Variants in GALNT16 observed in about 807,000 individuals in gnomAD.
GALNT16 encodes UDP-GalNAc:polypeptide N-acetylgalactosaminyltransferase-like protein 1.
Under a neutral mutation model 76.1 loss-of-function variants are expected in GALNT16, and 40 were observed. The ratio of observed to expected loss-of-function variants is 0.53; its 90% CI spans 0.41 to 0.68. The LOEUF (loss-of-function observed/expected upper bound fraction) is 0.68. Ranked by LOEUF, GALNT16 falls within the 30% of genes least tolerant of loss-of-function variation. The probability of loss-of-function intolerance (pLI) is 0.00; values close to 1 mark genes in which losing one functional copy is unlikely to be tolerated. For synonymous variants in GALNT16, 276 were observed against 285.2 expected, an observed-to-expected ratio of 0.97 and a Z score of 0.32; for missense variants, 621 against 731.9, an observed-to-expected ratio of 0.85 and a Z score of 1.75.
At chr14:69,383,416 C>A in the GALNT16 span, among the ~76,000 whole-genome samples, 1 of 152,140 alleles carries the variant, frequency 6.6e-6, no homozygotes, top group Admixed American at 6.5e-5. Flanking sequence ...AAAAACGGAC[C>A]CAGTCTCTGG....
intron 1 of GALNT16, among the ~76,000 whole-genome samples, chr14:69,309,432 A>G (rs1176313925): frequency 6.6e-6 from 1 of 151,914 alleles, no homozygotes. Flanking sequence ...TCTCCTGAGT[A>G]GCTGGGACTA....
chr14:69,283,204 A>T (rs924371197), intron 1 of GALNT16, among the ~76,000 whole-genome samples: 3 of 152,212 alleles, frequency 2.0e-5, no homozygotes, highest in Admixed American at 6.5e-5. Context: ...ACATGAAAAG[A>T]CACTATGGAC....
At chr14:69,362,745 C>T in the GALNT16 span, among the ~76,000 whole-genome samples, 1 of 152,224 alleles carries the variant, frequency 6.6e-6, no homozygotes, top group African/African-American at 2.4e-5. Flanking sequence ...TACGTTTATG[C>T]GACCCTGGGC....
In GALNT16 at chr14:69,352,232, G is replaced by C; in HGVS notation, c.*64G>C. The C allele has an allele frequency of 7.0e-7, 1 of 1,436,886 alleles. No individual in the cohort carries two copies. Among genetic ancestry groups the C allele is most frequent in the Non-Finnish European group, 9.4e-7 (1 of 1,063,956 alleles). 89.0% of individuals were successfully genotyped at this position (1,436,886 alleles called of 1,614,324 possible). On this transcript the variant is annotated 3_prime_UTR_variant, in exon 15 of 15. Transcript: ENST00000448469. Reference sequence around the variant, plus strand: ...TTCGGGACCGGAAGGGGGTTAGGGTGGGGGAGTGCAAAGTGGGCTGTTCCC... The same window carrying C: ...TTCGGGACCGGAAGGGGGTTAGGGTCGGGGAGTGCAAAGTGGGCTGTTCCC...
At position 69,352,051 on chromosome 14, in the gene GALNT16, T is replaced by A; in HGVS notation, c.1560T>A (p.Ser520=). The change falls in exon 15 of 15, where the codon TCT becomes TCA. Residue 520 remains serine, a synonymous_variant. Coordinates refer to ENST00000448469, the MANE Select transcript of GALNT16 (RefSeq NM_001168368.2). ...CCTAGAAATGGAGGAGAAAAGGATCTTTCATCCAGCATTCAGTCAGTGGCC... is the reference window on the plus strand; with the variant it reads ...CCTAGAAATGGAGGAGAAAAGGATCATTCATCCAGCATTCAGTCAGTGGCC... The part of the protein sequence containing the change: ...EGKQKWRRKG[S]FIQHSVSGLC... 1.2e-6 allele frequency: 2 copies of A among 1,613,506 alleles called. No individual in the cohort carries two copies. Among genetic ancestry groups the A allele is most frequent in the Non-Finnish European group, 1.7e-6 (2 of 1,179,572 alleles).
Position 69,333,409 on chromosome 14 carries a change from G to A in GALNT16, c.864-88G>A, listed in dbSNP as rs767424031. ...GTGACTCTGCAGGGAGGGATCTAGAGGCAGACGGTCTTGGGTCCTGGGGCC... is the reference window on the plus strand; with the variant it reads ...GTGACTCTGCAGGGAGGGATCTAGAAGCAGACGGTCTTGGGTCCTGGGGCC... On this transcript the variant is annotated intron_variant, in intron 8 of 14. Transcript: ENST00000448469. The surrounding 1 kb of genome is among the most constrained non-coding windows in gnomAD (Gnocchi z 4.2). 5 of 815,198 alleles carry A rather than the reference G, an allele frequency of 6.1e-6. No individual in the cohort carries two copies. The highest frequency in any genetic ancestry group is 1.1e-5 in the Non-Finnish European group (5 of 472,966). The allele number at this position is 815,198 out of a possible 1,614,324, so 50.5% of individuals were successfully genotyped here.
chr14:69,312,038 TAA>T (rs67438255), intron 1 of GALNT16, among the ~76,000 whole-genome samples: 13 of 125,770 alleles, frequency 1.0e-4, no homozygotes, highest in Admixed American at 1.8e-4. Context: ...ATCCTGTTTC[TAA>T]AAAAAAAAAA....
intron 1 of GALNT16, among the ~76,000 whole-genome samples, chr14:69,318,885 T>A (rs1406715208): frequency 6.6e-6 from 1 of 152,254 alleles, no homozygotes; most frequent in Non-Finnish European, 1.5e-5. Flanking sequence ...TCACTCTCCC[T>A]TTCAGAGTTG....
the GALNT16 span, among the ~76,000 whole-genome samples, chr14:69,362,891 G>A: frequency 2.0e-5 from 3 of 152,226 alleles, no homozygotes; most frequent in African/African-American, 7.2e-5. Context: ...AGGAGGCTGG[G>A]GAGTCCCAGC....
the GALNT16 span, among the ~76,000 whole-genome samples, chr14:69,373,864 G>A: frequency 2.0e-5 from 3 of 152,040 alleles, no homozygotes; most frequent in East Asian, 1.9e-4. Context: ...CACTGCAGCT[G>A]TGACCTCCTG....
At position 69,333,525 on chromosome 14, in the gene GALNT16, G is replaced by A. The variant is rs778547433; in HGVS notation, c.892G>A (p.Val298Met). The change falls in exon 9 of 15, where the codon GTG becomes ATG. Residue 298 changes from valine to methionine, a missense_variant. Transcript: ENST00000448469. The surrounding 1 kb of genome is among the most constrained non-coding windows in gnomAD (Gnocchi z 4.2). Reference protein sequence around the residue: ...RTPVIAGGIFVIDKSWFNHLG... With the variant: ...RTPVIAGGIFMIDKSWFNHLG... ...GCCTGTCATAGCTGGAGGAATCTTC[G>A]TGATCGACAAGTCCTGGTTTAACCA... 5.0e-6 allele frequency: 8 copies of A among 1,611,082 alleles called. No individual in the cohort carries two copies. The highest frequency in any genetic ancestry group is 6.8e-6 in the Non-Finnish European group (8 of 1,178,052).
chr14:69,344,911 A>G, intron 12 of GALNT16, among the ~76,000 whole-genome samples: 1 of 152,200 alleles, frequency 6.6e-6, no homozygotes, highest in East Asian at 1.9e-4. Flanking sequence ...GCCCTCCAAC[A>G]TGCTTGCACA....
Position 69,353,801 on chromosome 14 carries a change from C to T in GALNT16, c.*1633C>T, listed in dbSNP as rs1188274791. 6.6e-6 allele frequency: 1 copy of T among 152,408 alleles called. No individual in the cohort carries two copies. The highest frequency in any genetic ancestry group is 1.5e-5 in the Non-Finnish European group (1 of 68,160). 9.4% of individuals were successfully genotyped at this position (152,408 alleles called of 1,614,324 possible). A position where few individuals can be genotyped will look rare whatever the true frequency, so the allele number is the denominator to read the frequency against. ...GAACCTCTGCTCTGGATTGAAGCCA[C>T]TGTCTGCCCAAGCTGCCACCCCCTA... On this transcript the variant is annotated 3_prime_UTR_variant, in exon 15 of 15. Transcript: ENST00000448469.
At chr14:69,341,417 G>A (rs1387277966) in intron 11 of GALNT16, among the ~76,000 whole-genome samples, 2 of 152,224 alleles carry the variant, frequency 1.3e-5, no homozygotes, top group East Asian at 1.9e-4. Flanking sequence ...AGAAAGGCAT[G>A]GTCCCGTATG....
chr14:69,287,553 G>T (rs990673039), intron 1 of GALNT16, among the ~76,000 whole-genome samples: 3 of 152,160 alleles, frequency 2.0e-5, no homozygotes, highest in African/African-American at 7.2e-5. Context: ...AGTGGGAGGG[G>T]GTACCTGCTC....
intron 1 of GALNT16, among the ~76,000 whole-genome samples, chr14:69,281,826 G>C (rs955131733): frequency 6.6e-6 from 1 of 152,172 alleles, no homozygotes; most frequent in Admixed American, 6.5e-5. Flanking sequence ...TCCAGACACA[G>C]TCCTCTGCCC....
chr14:69,379,047 C>T, the GALNT16 span, among the ~76,000 whole-genome samples: 7 of 152,114 alleles, frequency 4.6e-5, no homozygotes, highest in African/African-American at 1.7e-4. Flanking sequence ...AAGGGATCCT[C>T]CTGCCTCAGC....
At chr14:69,325,292 G>T in intron 3 of GALNT16, 45 bp from the exon 4 acceptor site, 1 of 1,229,174 alleles carries the variant, frequency 8.1e-7, no homozygotes, top group South Asian at 1.2e-5. Flanking sequence ...AATGGGAGGT[G>T]GTTCCTAAAT....
At chr14:69,262,715 C>A (rs72625666) in intron 1 of GALNT16, among the ~76,000 whole-genome samples, 4,836 of 152,220 alleles carry the variant, frequency 0.032, 238 homozygotes, top group East Asian at 0.24. Context: ...ACTGACCCCC[C>A]CGTCAGGCAC....
Sources: gnomAD v4.1 joint callset for allele counts (sites outside exome capture counted in the v4.1 genomes callset) on GRCh38, gnomAD v4.1.1 for gene constraint, Gnocchi (gnomAD v3.1) non-coding constraint, MANE v1.5 for transcripts, NCBI Gene and HGNC (gene_info 2026-07-23, HGNC 2026-07-21) for gene names.